The following CCDC24 variants were observed in gnomAD, a reference collection of about 807,000 sequenced individuals.
The protein encoded by CCDC24 is coiled-coil domain-containing protein 24.
Under a neutral mutation model 31.6 loss-of-function variants are expected in CCDC24, and 34 were observed. The observed-to-expected ratio is 1.08, with a 90% confidence interval of 0.82 to 1.43. The LOEUF is 1.43. Ranked by LOEUF, CCDC24 falls within the 40% of genes most tolerant of loss-of-function variation. CCDC24 has a pLI of 0.00. For missense variants in CCDC24, 426 were observed against 391.1 expected, an observed-to-expected ratio of 1.09 and a Z score of -0.75; for synonymous variants, 175 against 157.3, an observed-to-expected ratio of 1.11 and a Z score of -0.84.
At chr1:43,992,747 C>A in intron 4 of CCDC24, 108 bp downstream of exon 4, 1 of 945,568 alleles carries the variant, frequency 1.1e-6, no homozygotes, top group South Asian at 1.4e-5. Context: ...ACGGGCTGGG[C>A]ACTTCCACCG....
Position 43,992,290 on chromosome 1 carries a change from TCTC to T in CCDC24, c.206_208del (p.Ser69_Leu70delinsPhe). On this transcript the variant is annotated inframe_deletion, in exon 3 of 9. Coordinates refer to ENST00000372318, the MANE Select transcript of CCDC24 (RefSeq NM_152499.4). The stretch of plus-strand genomic sequence containing the variant: ...CTCCCGCCCCATCTCTGACCCCTCT[TCTC>T]TTCTGGCACCACCGCCTCTCCTAAA... 3 of 1,613,854 alleles carry T rather than the reference TCTC, an allele frequency of 1.9e-6. No homozygotes were observed. Among genetic ancestry groups the T allele is most frequent in the Non-Finnish European group, 2.5e-6 (3 of 1,179,932 alleles).
At position 43,995,929 on chromosome 1, in the gene CCDC24, C is replaced by T; in HGVS notation, c.702-9C>T. On this transcript the variant is annotated splice_polypyrimidine_tract_variant and intron_variant, in intron 8 of 8. Transcript: ENST00000372318. The surrounding 1 kb of genome is among the most constrained non-coding windows in gnomAD (Gnocchi z 4.3). Reference sequence around the variant, plus strand: ...CCACCACCCCTCACAGTTACTCTTTCTTGTCCAGGCAGCGGCCCTTGGGGT... The same window carrying T: ...CCACCACCCCTCACAGTTACTCTTTTTTGTCCAGGCAGCGGCCCTTGGGGT... The T allele has an allele frequency of 6.2e-7, 1 of 1,613,928 alleles. No homozygotes were observed. The highest frequency in any genetic ancestry group is 1.1e-5 in the South Asian group (1 of 91,076).
chr1:43,995,293 A>G lies in CCDC24; in HGVS notation c.552+131A>G, dbSNP rs2085819931. On this transcript the variant is annotated intron_variant, in intron 6 of 8. Coordinates refer to ENST00000372318, the MANE Select transcript of CCDC24 (RefSeq NM_152499.4). The surrounding 1 kb of genome is among the most constrained non-coding windows in gnomAD (Gnocchi z 4.3). ...TATGTGAGTCCTGCATCCATTTCTC[A>G]GGGGTGCATGCTTGTGTGCACCTGC... 2.0e-6 allele frequency: 2 copies of G among 989,560 alleles called. No homozygotes were observed. Among genetic ancestry groups the G allele is most frequent in the Non-Finnish European group, 3.0e-6 (2 of 661,102 alleles). The allele number at this position is 989,560 out of a possible 1,614,324, so 61.3% of individuals were successfully genotyped here.
chr1:43,995,184 TC>T lies in CCDC24; in HGVS notation c.552+27del. On this transcript the variant is annotated intron_variant, in intron 6 of 8. Transcript: ENST00000372318. The surrounding 1 kb of genome is among the most constrained non-coding windows in gnomAD (Gnocchi z 4.3). ...GCAGGTGAGCCGCAGCCCTGGGCCC[TC>T]CCCCGAGCCTCACTGCTGAGCGTAG... The T allele has an allele frequency of 1.3e-6, 2 of 1,554,204 alleles. No homozygotes were observed. The highest frequency in any genetic ancestry group is 8.7e-7 in the Non-Finnish European group (1 of 1,150,098).
chr1:43,993,234 A>C (rs934495393), intron 4 of CCDC24, among the ~76,000 whole-genome samples: 2 of 151,878 alleles, frequency 1.3e-5, no homozygotes, highest in Non-Finnish European at 2.9e-5. Context: ...TGAGGCCAGG[A>C]GTTTGAGATC....
Position 43,992,578 on chromosome 1 carries a change from G to T in CCDC24, c.358G>T (p.Glu120Ter). 1 of 1,614,230 alleles carries T rather than the reference G, an allele frequency of 6.2e-7. No homozygotes were observed. ...CCCCAGGGTCCTGCACTTTGCCTTGGAGGAGCCCAGGTGTGATTTGCCAGA... is the reference window on the plus strand; with the variant it reads ...CCCCAGGGTCCTGCACTTTGCCTTGTAGGAGCCCAGGTGTGATTTGCCAGA... ...YSPRVLHFAL[E>*]EPRCDLPEQE... is the part of the protein sequence containing the mutation. The change falls in exon 4 of 9, where the codon GAG becomes TAG. Residue 120 changes from glutamate (E) to a stop codon, truncating the protein, a stop_gained. Transcript: ENST00000372318. LOFTEE classifies it high-confidence loss of function.
rs779307476 is a variant in CCDC24 at position 43,992,547 on chromosome 1, G to A, written c.327G>A (p.Gln109=). The A allele has an allele frequency of 8.7e-6, 14 of 1,614,112 alleles. No individual in the cohort carries two copies. The East Asian group carries it at 1.1e-4, about 13-fold the overall frequency. ...GGGACCAGGCCCAAGCTTGGGTCCA[G>A]TATAGCCCCAGGGTCCTGCACTTTG... is the stretch of plus-strand genomic sequence containing the variant. The part of the protein sequence containing the change: ...EGRDQAQAWV[Q]YSPRVLHFAL... Residue 109 remains glutamine, a synonymous_variant, in exon 4 of 9, where the codon CAG becomes CAA. Coordinates refer to ENST00000372318, the MANE Select transcript of CCDC24 (RefSeq NM_152499.4).
Position 43,995,039 on chromosome 1 carries a change from C to A in CCDC24, c.498-69C>A. 6.9e-7 allele frequency: 1 copy of A among 1,443,594 alleles called. No individual in the cohort carries two copies. Among genetic ancestry groups the A allele is most frequent in the Non-Finnish European group, 9.5e-7 (1 of 1,051,356 alleles). The allele number at this position is 1,443,594 out of a possible 1,614,324, so 89.4% of individuals were successfully genotyped here. A position where few individuals can be genotyped will look rare whatever the true frequency, so the allele number is the denominator to read the frequency against. ...TCCTGCTGAGGCTGGAGGTTGGGGC[C>A]ATGTGGTGGACTCAGCTGAGCCCTG... On this transcript the variant is annotated intron_variant, in intron 5 of 8. Coordinates refer to ENST00000372318, the MANE Select transcript of CCDC24 (RefSeq NM_152499.4). The surrounding 1 kb of genome is among the most constrained non-coding windows in gnomAD (Gnocchi z 4.3).
Position 43,995,172 on chromosome 1 carries a change from A to T in CCDC24, c.552+10A>T. On this transcript the variant is annotated intron_variant, in intron 6 of 8. Transcript: ENST00000372318. The surrounding 1 kb of genome is among the most constrained non-coding windows in gnomAD (Gnocchi z 4.3). ...GATCCTCATCCTGCAGGTGAGCCGC[A>T]GCCCTGGGCCCTCCCCCGAGCCTCA... 1 of 1,562,094 alleles carries T rather than the reference A, an allele frequency of 6.4e-7. No individual in the cohort carries two copies. Among genetic ancestry groups the T allele is most frequent in the Non-Finnish European group, 8.7e-7 (1 of 1,154,176 alleles).
Position 43,996,399 on chromosome 1 carries a change from C to T in CCDC24, c.*239C>T. On this transcript the variant is annotated 3_prime_UTR_variant, in exon 9 of 9. Coordinates refer to ENST00000372318, the MANE Select transcript of CCDC24 (RefSeq NM_152499.4). ...AGCCTTTGGCCTTTCTCCTCCCAGGCCTCCACAAAGGCCTGGCAGACAGAG... is the reference window on the plus strand; with the variant it reads ...AGCCTTTGGCCTTTCTCCTCCCAGGTCTCCACAAAGGCCTGGCAGACAGAG... 1 of 488,606 alleles carries T rather than the reference C, an allele frequency of 2.0e-6. No homozygotes were observed. Among genetic ancestry groups the T allele is most frequent in the Non-Finnish European group, 3.6e-6 (1 of 278,316 alleles). The allele number at this position is 488,606 out of a possible 1,614,324, so 30.3% of individuals were successfully genotyped here.
In CCDC24 at chr1:43,996,143, C is replaced by T. The variant is rs770664724; in HGVS notation, c.907C>T (p.Pro303Ser). Residue 303 changes from proline to serine, a missense_variant, in exon 9 of 9, where the codon CCC (proline) becomes TCC (serine). Coordinates refer to ENST00000372318, the MANE Select transcript of CCDC24 (RefSeq NM_152499.4). ...TTCCACACCCATGTCCAGTGCAGCA[C>T]CCCAAGCCCCAGCCTGAAGGGCTGG... Reference protein sequence around the residue: ...PASTPMSSAAPQAPA With the variant: ...PASTPMSSAASQAPA The T allele has an allele frequency of 2.3e-5, 37 of 1,595,348 alleles. No individual in the cohort carries two copies. The highest frequency in any genetic ancestry group is 3.1e-5 in the Non-Finnish European group (36 of 1,169,778).
In CCDC24 at chr1:43,995,198, C is replaced by T. The variant is rs367741306; in HGVS notation, c.552+36C>T. 6 of 1,546,834 alleles carry T rather than the reference C, an allele frequency of 3.9e-6. No homozygotes were observed. Among genetic ancestry groups the T allele is most frequent in the Middle Eastern group, 2.0e-4 (1 of 4,918 alleles). The stretch of plus-strand genomic sequence containing the variant: ...GCCCTGGGCCCTCCCCCGAGCCTCA[C>T]TGCTGAGCGTAGACTCTCACCTGGG... On this transcript the variant is annotated intron_variant, in intron 6 of 8. Coordinates refer to ENST00000372318, the MANE Select transcript of CCDC24 (RefSeq NM_152499.4). This position sits in a 1 kb window ranked among gnomAD's most constrained non-coding sequence, Gnocchi z 4.3.
At chr1:43,993,064 A>G (rs1162183363) in intron 4 of CCDC24, among the ~76,000 whole-genome samples, 1 of 152,236 alleles carries the variant, frequency 6.6e-6, no homozygotes, top group East Asian at 1.9e-4. Flanking sequence ...ATGAGATAAA[A>G]TATTCATAAG....
At position 43,995,292 on chromosome 1, in the gene CCDC24, CAG is replaced by C. The variant is rs1222209789; in HGVS notation, c.552+131_552+132del. ...CTATGTGAGTCCTGCATCCATTTCT[CAG>C]GGGTGCATGCTTGTGTGCACCTGCA... On this transcript the variant is annotated intron_variant, in intron 6 of 8. Coordinates refer to ENST00000372318, the MANE Select transcript of CCDC24 (RefSeq NM_152499.4). The surrounding 1 kb of genome is among the most constrained non-coding windows in gnomAD (Gnocchi z 4.3). 4.3e-5 allele frequency: 43 copies of C among 992,500 alleles called. No individual in the cohort carries two copies. Among genetic ancestry groups the C allele is most frequent in the Non-Finnish European group, 6.3e-5 (42 of 663,060 alleles). The allele number at this position is 992,500 out of a possible 1,614,324, so 61.5% of individuals were successfully genotyped here.
chr1:43,992,739 G>A (rs2154303629), intron 4 of CCDC24, 100 bp downstream of exon 4: 12 of 1,075,566 alleles, frequency 1.1e-5, no homozygotes, highest in Admixed American at 5.6e-5. Flanking sequence ...TTCCAGTCAC[G>A]GGCTGGGCAC....
At chr1:43,994,443 T>TTTCTTTC (rs60691118) in intron 5 of CCDC24, 36 of 131,226 alleles carry the variant, frequency 2.7e-4, no homozygotes, top group African/African-American at 9.1e-4. Context: ...TCTTTCTTTC[T>TTTCTTTC]TTTTTTTTTT....
In CCDC24 at chr1:43,991,752, G is replaced by T. The variant is rs1483496656; in HGVS notation, c.-33+6G>T. 1 of 1,247,934 alleles carries T rather than the reference G, an allele frequency of 8.0e-7. No homozygotes were observed. Among genetic ancestry groups the T allele is most frequent in the Non-Finnish European group, 1.1e-6 (1 of 883,366 alleles). The allele number at this position is 1,247,934 out of a possible 1,614,324, so 77.3% of individuals were successfully genotyped here. A position where few individuals can be genotyped will look rare whatever the true frequency, so the allele number is the denominator to read the frequency against. ...GGACCAGCGGCAGAGCACGGGTGGGGCTTGGGAGAGGGCGGGGCCCATAGA... is the reference window on the plus strand; with the variant it reads ...GGACCAGCGGCAGAGCACGGGTGGGTCTTGGGAGAGGGCGGGGCCCATAGA... On this transcript the variant is annotated splice_donor_region_variant and intron_variant, in intron 1 of 8. Coordinates refer to ENST00000372318, the MANE Select transcript of CCDC24 (RefSeq NM_152499.4).
chr1:43,994,782 T>G, intron 5 of CCDC24: 1 of 403,914 alleles, frequency 2.5e-6, no homozygotes, highest in Non-Finnish European at 4.5e-6. Flanking sequence ...AGGGGTAGCC[T>G]GTGTCAGAGG....
chr1:43,992,736 C>G (rs757722598), intron 4 of CCDC24, 97 bp downstream of exon 4: 7 of 1,124,294 alleles, frequency 6.2e-6, no homozygotes, highest in South Asian at 1.3e-5. Flanking sequence ...AGATTCCAGT[C>G]ACGGGCTGGG....
Sources: allele counts gnomAD v4.1 joint callset (sites outside exome capture counted in the v4.1 genomes callset), GRCh38; gene constraint gnomAD v4.1.1; non-coding constraint Gnocchi (gnomAD v3.1); transcripts MANE v1.5; gene names NCBI Gene and HGNC (gene_info 2026-07-23, HGNC 2026-07-21).